Variants in PRMT8 observed in about 807,000 individuals in gnomAD.
PRMT8 encodes protein arginine methyltransferase 8, also known as protein arginine N-methyltransferase 8.
PRMT8 carries 7 observed loss-of-function variants against 47.1 expected under a neutral mutation model. The ratio of observed to expected loss-of-function variants is 0.15; its 90% CI spans 0.08 to 0.28. PRMT8 has a LOEUF of 0.28. Among genes scored for constraint, PRMT8 ranks in the 10% least tolerant of loss-of-function variants. PRMT8 has a pLI of 1.00. For missense variants in PRMT8, 237 were observed against 505.4 expected, an observed-to-expected ratio of 0.47 and a Z score of 5.09; for synonymous variants, 188 against 186.5, an observed-to-expected ratio of 1.01 and a Z score of -0.07.
At chr12:3,438,777 C>G (rs113235819) in intron 1 of PRMT8, among the ~76,000 whole-genome samples, 3 of 152,336 alleles carry the variant, frequency 2.0e-5, no homozygotes, top group African/African-American at 7.2e-5. Flanking sequence ...AAAATAAGAA[C>G]AGAGTGGTGA....
chr12:3,396,034 C>A (rs1864245396), intron 1 of PRMT8, among the ~76,000 whole-genome samples: 1 of 152,002 alleles, frequency 6.6e-6, no homozygotes. Flanking sequence ...AGGATTGCAA[C>A]CCCTGCCTTT....
intron 1 of PRMT8, among the ~76,000 whole-genome samples, chr12:3,395,082 T>G (rs957510236): frequency 1.3e-5 from 2 of 150,734 alleles, no homozygotes; most frequent in East Asian, 3.9e-4. Context: ...TTTTATTGCG[T>G]CTATTTGATT....
intron 7 of PRMT8, among the ~76,000 whole-genome samples, chr12:3,582,272 C>T (rs568039211): frequency 7.2e-5 from 11 of 152,338 alleles, no homozygotes; most frequent in African/African-American, 2.6e-4. Context: ...GCTCCCCATG[C>T]GAGATTGATT....
Position 3,572,231 on chromosome 12 carries a change from A to G in PRMT8, c.712+2667A>G, listed in dbSNP as rs768757513. On this transcript the variant is annotated intron_variant, in intron 6 of 9. Transcript: ENST00000382622. The surrounding 1 kb of genome is among the most constrained non-coding windows in gnomAD (Gnocchi z 5.9). ...CTGGCATATACTAGGCTCACAATAC[A>G]TAATTTTAACGAAGGAAGGAAGGAA... is the stretch of plus-strand genomic sequence containing the variant. Among the ~76,000 whole-genome samples, 1 of 152,216 alleles carries G rather than the reference A, an allele frequency of 6.6e-6. No homozygotes were observed. Among genetic ancestry groups the G allele is most frequent in the Non-Finnish European group, 1.5e-5 (1 of 68,034 alleles).
chr12:3,533,689 CA>C (rs1470141610), intron 1 of PRMT8, among the ~76,000 whole-genome samples: 2 of 152,230 alleles, frequency 1.3e-5, no homozygotes, highest in African/African-American at 2.4e-5. Context: ...GATGATAAGA[CA>C]GGGGTGCAGG....
intron 1 of PRMT8, among the ~76,000 whole-genome samples, chr12:3,517,773 C>T (rs546955983): frequency 2.7e-4 from 41 of 152,036 alleles, no homozygotes; most frequent in African/African-American, 7.7e-4. Flanking sequence ...CCAGATAGTC[C>T]GCTGGGGAGA....
rs1033014764 is a variant in PRMT8 at position 3,564,754 on chromosome 12, C to T, written c.482-3952C>T. On this transcript the variant is annotated intron_variant, in intron 4 of 9. Coordinates refer to ENST00000382622, the MANE Select transcript of PRMT8 (RefSeq NM_019854.5). This position sits in a 1 kb window ranked among gnomAD's most constrained non-coding sequence, Gnocchi z 4.0. ...ATTGGGCATGGAGCTCTGCAGCCTACGGCTGCTCGGAATCTTAATATCAAT... is the reference window on the plus strand; with the variant it reads ...ATTGGGCATGGAGCTCTGCAGCCTATGGCTGCTCGGAATCTTAATATCAAT... Among the ~76,000 whole-genome samples, 12 of 152,250 alleles carry T rather than the reference C, an allele frequency of 7.9e-5. No homozygotes were observed. Among genetic ancestry groups the T allele is most frequent in the Admixed American group, 2.0e-4 (3 of 15,284 alleles).
chr12:3,460,732 G>A (rs1741380787), intron 1 of PRMT8, among the ~76,000 whole-genome samples: 1 of 152,154 alleles, frequency 6.6e-6, no homozygotes, highest in Non-Finnish European at 1.5e-5. Flanking sequence ...GAAGCTATAG[G>A]TTTCAAACTT....
Position 3,402,277 on chromosome 12 carries a change from C to T in PRMT8, c.48+20835C>T, listed in dbSNP as rs150031617. Among the ~76,000 whole-genome samples the T allele has an allele frequency of 2.2e-4, 34 of 152,108 alleles. 1 individual carries two copies. The East Asian group carries it at 5.2e-3, about 23-fold the overall frequency. On this transcript the variant is annotated intron_variant, in intron 1 of 9. Transcript: ENST00000452611. The stretch of plus-strand genomic sequence containing the variant: ...CTGGGAGAACAGGCTAGCCATATGG[C>T]GAAAATTGAAACTGGACCCCTTCCT...
chr12:3,550,338 T>C lies in PRMT8; in HGVS notation c.417+247T>C, dbSNP rs1427416397. 2.1e-6 allele frequency: 1 copy of C among 481,890 alleles called. No homozygotes were observed. Among genetic ancestry groups the C allele is most frequent in the Non-Finnish European group, 3.7e-6 (1 of 266,858 alleles). The allele number at this position is 481,890 out of a possible 1,614,324, so 29.9% of individuals were successfully genotyped here. On this transcript the variant is annotated intron_variant, in intron 3 of 9. Transcript: ENST00000382622. The surrounding 1 kb of genome is among the most constrained non-coding windows in gnomAD (Gnocchi z 5.1). ...AGGAACTGTGGCTTTCCTGAGACCA[T>C]TCCAATGTCATCATGACCTTTCAGT...
At chr12:3,447,554 C>T (rs1864871336) in intron 1 of PRMT8, among the ~76,000 whole-genome samples, 2 of 152,166 alleles carry the variant, frequency 1.3e-5, no homozygotes, top group Non-Finnish European at 2.9e-5. Context: ...GCACAGACAT[C>T]TCTTTCTCAG....
intron 4 of PRMT8, among the ~76,000 whole-genome samples, chr12:3,565,957 A>G (rs1296063609): frequency 1.3e-5 from 2 of 152,178 alleles, no homozygotes; most frequent in Non-Finnish European, 2.9e-5. Context: ...AGAGGTCATG[A>G]GGCCCCGGAG....
At chr12:3,450,585 A>G (rs1864905939) in intron 1 of PRMT8, among the ~76,000 whole-genome samples, 1 of 152,220 alleles carries the variant, frequency 6.6e-6, no homozygotes, top group African/African-American at 2.4e-5. Context: ...ATGGCTATCA[A>G]ACACCAAAGT....
intron 1 of PRMT8, among the ~76,000 whole-genome samples, chr12:3,396,933 A>T (rs1173307575): frequency 1.3e-5 from 2 of 151,218 alleles, no homozygotes; most frequent in East Asian, 3.9e-4. Flanking sequence ...TTTTTCTCTA[A>T]ACTTCCCTTC....
intron 1 of PRMT8, among the ~76,000 whole-genome samples, chr12:3,398,833 G>C (rs1864289723): frequency 6.6e-6 from 1 of 152,240 alleles, no homozygotes; most frequent in Non-Finnish European, 1.5e-5. Context: ...GGAATGCAAA[G>C]GCAGTCATCT....
rs139329917 is a variant in PRMT8 at position 3,593,389 on chromosome 12, C to G, written c.*207C>G. 3.1e-4 allele frequency: 171 copies of G among 552,402 alleles called. No homozygotes were observed. Among genetic ancestry groups the G allele is most frequent in the African/African-American group, 3.0e-3 (154 of 52,110 alleles). 34.2% of individuals were successfully genotyped at this position (552,402 alleles called of 1,614,324 possible). On this transcript the variant is annotated 3_prime_UTR_variant, in exon 10 of 10. Transcript: ENST00000382622. The surrounding 1 kb of genome is among the most constrained non-coding windows in gnomAD (Gnocchi z 4.8). ...AGCTCCTCCGCTCTGCCCTGGTAGC[C>G]CTTCACGAAGGCTTTGTGTTGCCAA...
At chr12:3,388,488 A>G (rs1241886827) in intron 1 of PRMT8, among the ~76,000 whole-genome samples, 28 of 152,188 alleles carry the variant, frequency 1.8e-4, no homozygotes, top group Admixed American at 1.8e-3. Flanking sequence ...CTGTGGAGCG[A>G]TACTTTGAGG....
At chr12:3,415,442 C>G (rs1359034530) in intron 1 of PRMT8, among the ~76,000 whole-genome samples, 1 of 152,174 alleles carries the variant, frequency 6.6e-6, no homozygotes, top group African/African-American at 2.4e-5. Flanking sequence ...GGCTGAAAGT[C>G]CGAACCCTCT....
chr12:3,489,647 T>C (rs137932573), upstream of PRMT8, among the ~76,000 whole-genome samples: 4 of 151,954 alleles, frequency 2.6e-5, no homozygotes, highest in East Asian at 7.7e-4. Flanking sequence ...TTCTCCAGAT[T>C]CACATTTATT....
Sources: gnomAD v4.1 joint callset for allele counts (sites outside exome capture counted in the v4.1 genomes callset) on GRCh38, gnomAD v4.1.1 for gene constraint, Gnocchi (gnomAD v3.1) non-coding constraint, MANE v1.5 for transcripts, NCBI Gene and HGNC (gene_info 2026-07-23, HGNC 2026-07-21) for gene names.